Variants in CDK15 observed in about 807,000 individuals in gnomAD.
The protein encoded by CDK15 is cyclin dependent kinase 15.
Under a neutral mutation model 60.3 loss-of-function variants are expected in CDK15, and 62 were observed. The observed-to-expected ratio is 1.03, with a 90% confidence interval of 0.84 to 1.27. The LOEUF is 1.27. Among genes scored for constraint, CDK15 ranks in the 50% most tolerant of loss-of-function variants. The pLI, the probability that CDK15 is intolerant of heterozygous loss-of-function variation, is 0.00. For synonymous variants in CDK15, 194 were observed against 195.7 expected (o/e 0.99, Z 0.07); for missense variants, 541 against 527.8 (o/e 1.03, Z -0.25).
intron 7 of CDK15, among the ~76,000 whole-genome samples, chr2:201,834,480 G>T (rs956220357): frequency 7.2e-5 from 11 of 152,148 alleles, no homozygotes; most frequent in African/African-American, 2.7e-4. Context: ...AAGTATCACT[G>T]TATCCTTCCA....
chr2:201,886,327 ATTTT>A (rs55721501), intron 12 of CDK15, among the ~76,000 whole-genome samples: 3,081 of 141,532 alleles, frequency 0.022, 43 homozygotes, highest in Non-Finnish European at 0.031. Flanking sequence ...GGGTTTTAAG[ATTTT>A]TTTTTTTTTT....
intron 4 of CDK15, among the ~76,000 whole-genome samples, chr2:201,820,115 T>C (rs1260889787): frequency 4.6e-5 from 7 of 152,218 alleles, no homozygotes; most frequent in Admixed American, 4.6e-4. Flanking sequence ...AATTAAAATA[T>C]CTTAACAATA....
chr2:201,814,437 A>G (rs549377657), intron 4 of CDK15, among the ~76,000 whole-genome samples: 3 of 152,304 alleles, frequency 2.0e-5, no homozygotes, highest in South Asian at 2.1e-4. Flanking sequence ...CCAATTTCCA[A>G]CAATGAATGT....
chr2:201,823,542 A>G, intron 5 of CDK15, 123 bp from the exon 6 acceptor site: 2 of 861,050 alleles, frequency 2.3e-6, no homozygotes, highest in Non-Finnish European at 3.8e-6. Flanking sequence ...TTCCTTTTGC[A>G]CCTTATTCTT....
intron 4 of CDK15, among the ~76,000 whole-genome samples, chr2:201,821,841 C>T (rs1473950023): frequency 4.6e-5 from 7 of 152,074 alleles, no homozygotes; most frequent in East Asian, 3.9e-4. Flanking sequence ...CCACCACGCC[C>T]GGCTAATTTT....
At chr2:201,877,523 G>A (rs1455340397) in intron 11 of CDK15, among the ~76,000 whole-genome samples, 1 of 152,204 alleles carries the variant, frequency 6.6e-6, no homozygotes, top group African/African-American at 2.4e-5. Flanking sequence ...CTACCCAATA[G>A]TGTGGGTGGA....
intron 11 of CDK15, among the ~76,000 whole-genome samples, chr2:201,876,109 A>G (rs1170564578): frequency 6.6e-6 from 1 of 152,206 alleles, no homozygotes; most frequent in Non-Finnish European, 1.5e-5. Context: ...AGGCAAATTA[A>G]CATTTGTGAT....
chr2:201,888,726 C>G (rs1699545519), intron 12 of CDK15: 1 of 1,202,000 alleles, frequency 8.3e-7, no homozygotes, highest in Non-Finnish European at 1.0e-6. Context: ...CTCTCTCTCT[C>G]TCCCTCCCTC....
rs376220416 is a variant in CDK15, at chr2:201,835,804, G to T, written c.851+41G>T. On this transcript the variant is annotated intron_variant, in intron 8 of 13. Coordinates refer to ENST00000652192, the MANE Select transcript of CDK15 (RefSeq NM_001366386.2). ...AGAAAATGTGAGTCATCCTACTCAC[G>T]AGGGTTGCTTTATCATCTACATTAT... The T allele has an allele frequency of 2.2e-4, 308 of 1,417,900 alleles. No individual in the cohort carries two copies. In the African/African-American group the frequency reaches 3.4e-3, roughly 16 times the overall value. 87.8% of individuals were successfully genotyped at this position (1,417,900 alleles called of 1,614,324 possible).
At chr2:201,839,026 C>T (rs1215836030) in intron 8 of CDK15, among the ~76,000 whole-genome samples, 2 of 152,112 alleles carry the variant, frequency 1.3e-5, no homozygotes, top group African/African-American at 4.8e-5. Context: ...CTGCAAGCTC[C>T]GCCTCCCAGG....
intron 11 of CDK15, among the ~76,000 whole-genome samples, chr2:201,872,544 GTT>G (rs1698893448): frequency 6.6e-6 from 1 of 152,112 alleles, no homozygotes. Flanking sequence ...CGTTAAAATT[GTT>G]TTGTGTCCCT....
intron 13 of CDK15, 43 bp from the exon 14 acceptor site, chr2:201,893,255 CTGT>C (rs1699692480): frequency 6.6e-6 from 1 of 152,186 alleles, no homozygotes; most frequent in East Asian, 1.9e-4. Context: ...CATCAATACT[CTGT>C]TGTTCATTAT....
intron 9 of CDK15, among the ~76,000 whole-genome samples, chr2:201,851,959 C>T (rs960532484): frequency 6.6e-6 from 1 of 152,084 alleles, no homozygotes; most frequent in Non-Finnish European, 1.5e-5. Context: ...GTGCCCGGCC[C>T]TTTGCCCACT....
chr2:201,847,542 A>T (rs1244056977), intron 9 of CDK15, 68 bp downstream of exon 9: 1 of 1,360,562 alleles, frequency 7.3e-7, no homozygotes, highest in Non-Finnish European at 1.0e-6. Context: ...AATTTGCCTT[A>T]CAGACAAATG....
chr2:201,858,984 G>C (rs1027872762), intron 10 of CDK15, among the ~76,000 whole-genome samples: 1 of 152,108 alleles, frequency 6.6e-6, no homozygotes, highest in Non-Finnish European at 1.5e-5. Context: ...TGAGGCGCCC[G>C]TGATTGGCTG....
intron 12 of CDK15, among the ~76,000 whole-genome samples, chr2:201,881,074 G>A (rs1054753844): frequency 6.6e-6 from 1 of 152,156 alleles, no homozygotes; most frequent in Non-Finnish European, 1.5e-5. Flanking sequence ...TGGAAGGGGC[G>A]TGGGGGAGTG....
At chr2:201,843,701 G>T (rs139852838) in intron 8 of CDK15, among the ~76,000 whole-genome samples, 1 of 152,224 alleles carries the variant, frequency 6.6e-6, no homozygotes, top group Admixed American at 6.5e-5. Context: ...AGATTTGTTA[G>T]ATGAGGAAGG....
rs780089190 is a variant in CDK15 at position 201,812,527 on chromosome 2, C to T, written c.413C>T (p.Ala138Val). 1 of 1,612,948 alleles carries T rather than the reference C, an allele frequency of 6.2e-7. No homozygotes were observed. Among genetic ancestry groups the T allele is most frequent in the Admixed American group, 1.7e-5 (1 of 59,984 alleles). The change falls in exon 4 of 14, where the codon GCA (alanine) becomes GTA (valine). Residue 138 changes from alanine (A) to valine (V), a missense_variant. Physicochemically the swap from Ala to Val is moderately conservative, Grantham distance 64. Coordinates refer to ENST00000652192, the MANE Select transcript of CDK15 (RefSeq NM_001366386.2). ...GCTTTAAAAGTCATCAGCATGAATG[C>T]AGAGGAAGGAGTCCCATTTACAGCT... ...LVALKVISMN[A>V]EEGVPFTAIR... is the part of the protein sequence containing the mutation.
At chr2:201,889,074 G>A (rs956261506) in intron 12 of CDK15, 10 of 985,090 alleles carry the variant, frequency 1.0e-5, no homozygotes, top group African/African-American at 7.0e-5. Context: ...ACAAGACAAC[G>A]AGACCCCAGA....
Sources: gnomAD v4.1 joint callset for allele counts (sites outside exome capture counted in the v4.1 genomes callset) on GRCh38, gnomAD v4.1.1 for gene constraint, MANE v1.5 for transcripts, NCBI Gene and HGNC (gene_info 2026-07-23, HGNC 2026-07-21) for gene names.